LIG1: variants seen among roughly 807,000 people sequenced by gnomAD.
The protein encoded by LIG1 is ligase I, DNA, ATP-dependent.
In LIG1, 70 loss-of-function variants were observed where a neutral mutation model predicts 115.7. The observed-to-expected ratio is 0.60, with a 90% CI of 0.50 to 0.74. The LOEUF is 0.74. Among genes scored for constraint, LIG1 ranks in the 30% least tolerant of loss-of-function variants. The pLI is 0.00. For synonymous variants in LIG1, 487 were observed against 495.3 expected (o/e 0.98, Z 0.22); for missense variants, 1,115 against 1,225.6 (o/e 0.91, Z 1.35).
At chr19:48,150,433 G>C (rs1318958680) in intron 7 of LIG1, among the ~76,000 whole-genome samples, 1 of 152,068 alleles carries the variant, frequency 6.6e-6, no homozygotes, top group Non-Finnish European at 1.5e-5. Context: ...GGAGACTTAG[G>C]AATAGTGGTA....
intron 9 of LIG1, chr19:48,147,398 T>G (rs2122783000): frequency 1.3e-5 from 2 of 151,686 alleles, no homozygotes; most frequent in East Asian, 3.9e-4. Flanking sequence ...GAAATCAGGC[T>G]GGCCGTGGTG....
chr19:48,152,370 G>A (rs181400199), intron 6 of LIG1, among the ~76,000 whole-genome samples: 10 of 152,284 alleles, frequency 6.6e-5, no homozygotes, highest in Middle Eastern at 3.4e-3. Flanking sequence ...TGATCCACCC[G>A]CTTCGGCCTC....
rs1409090907 is a variant in LIG1 at position 48,157,532 on chromosome 19, G to A, written c.244-392C>T. 2.6e-5 allele frequency among the ~76,000 whole-genome samples: 4 copies of A among 151,980 alleles called. No homozygotes were observed. In the South Asian group the frequency reaches 6.2e-4, roughly 24 times the overall value. ...CAGGGGAAATGATGTACACCTCTTCGTATAGTTTTATTTTTATTTATTTAT... is the reference window on the plus strand; with the variant it reads ...CAGGGGAAATGATGTACACCTCTTCATATAGTTTTATTTTTATTTATTTAT... On this transcript the variant is annotated intron_variant, in intron 4 of 27. Coordinates refer to ENST00000263274, the MANE Select transcript of LIG1 (RefSeq NM_000234.3).
intron 9 of LIG1, 45 bp downstream of exon 9, chr19:48,149,718 G>T: frequency 6.7e-7 from 1 of 1,495,090 alleles, no homozygotes; most frequent in Non-Finnish European, 9.3e-7. Context: ...TGCAGAGAAG[G>T]GAACACATCC....
chr19:48,161,131 C>G (rs1366816946), intron 4 of LIG1: 1 of 582,440 alleles, frequency 1.7e-6, no homozygotes, highest in Non-Finnish European at 3.1e-6. Flanking sequence ...AAGGTGTTAC[C>G]AGGAGCTGCA....
chr19:48,137,644 C>T lies in LIG1; in HGVS notation c.1132G>A (p.Asp378Asn), dbSNP rs1043361486. 4 of 1,609,394 alleles carry T rather than the reference C, an allele frequency of 2.5e-6. No individual in the cohort carries two copies. Among genetic ancestry groups the T allele is most frequent in the Non-Finnish European group, 3.4e-6 (4 of 1,179,674 alleles). ...CTGTTCTCGGCCACCAGCCCCACGT[C>T]GCCTTTCTCGGCTGCCTCAGCCCGG... ...SVRAEAAEKGDVGLVAENSRS... is the reference protein window; with the variant it reads ...SVRAEAAEKGNVGLVAENSRS... The change falls in exon 13 of 28, where the codon GAC (aspartate) becomes AAC (asparagine). Residue 378 changes from aspartate to asparagine, a missense_variant. Transcript: ENST00000263274. The surrounding 1 kb of genome is among the most constrained non-coding windows in gnomAD (Gnocchi z 4.3).
At chr19:48,128,070 G>A in intron 19 of LIG1, 50 bp from the exon 20 acceptor site, 1 of 1,424,998 alleles carries the variant, frequency 7.0e-7, no homozygotes, top group Non-Finnish European at 9.9e-7. Context: ...GGAAGATGAG[G>A]TGGAAAGACA....
At chr19:48,162,444 T>C (rs1321335827) in intron 2 of LIG1, 93 bp from the exon 3 acceptor site, 1 of 1,002,322 alleles carries the variant, frequency 1.0e-6, no homozygotes, top group African/African-American at 1.6e-5. Flanking sequence ...TTTTTTTTTT[T>C]TTTTTTTGAG....
chr19:48,125,010 CA>C (rs34073314), intron 21 of LIG1, among the ~76,000 whole-genome samples: 21,159 of 90,434 alleles, frequency 0.23, 2,273 homozygotes, highest in African/African-American at 0.44. Flanking sequence ...GACTGTGTCT[CA>C]AAAAAAAAAA....
chr19:48,136,900 T>C (rs1452222749), intron 14 of LIG1, 108 bp downstream of exon 14: 26 of 914,948 alleles, frequency 2.8e-5, no homozygotes, highest in Non-Finnish European at 4.2e-5. Flanking sequence ...GCTTTTCTCA[T>C]CCAAGGATGG....
chr19:48,121,233 C>T lies in LIG1; in HGVS notation c.2322G>A (p.Arg774=), dbSNP rs35485148. The change falls in exon 24 of 28, where the codon CGG becomes CGA. Residue 774 remains arginine, a synonymous_variant. Transcript: ENST00000263274. ...AGGAGGCCAGCAGGAAGCCCCCGTA[C>T]CGGCCGGCCCGCTTCCCCCGGCCCA... ...AYLGRGKRAG[R]YGGFLLASYD... 1.2e-6 allele frequency: 2 copies of T among 1,613,994 alleles called. No individual in the cohort carries two copies. The highest frequency in any genetic ancestry group is 1.7e-6 in the Non-Finnish European group (2 of 1,179,994).
intron 22 of LIG1, 34 bp downstream of exon 22, chr19:48,123,140 G>A: frequency 6.2e-7 from 1 of 1,613,944 alleles, no homozygotes; most frequent in South Asian, 1.1e-5. Context: ...AGCGCAAGCT[G>A]CAGACCTCAG....
rs184132398 is a variant in LIG1 at position 48,159,780 on chromosome 19, C to T, written c.243+1592G>A. Among the ~76,000 whole-genome samples, 1,483 of 152,232 alleles carry T rather than the reference C, an allele frequency of 9.7e-3. 16 individuals carry two copies. Among genetic ancestry groups the T allele is most frequent in the African/African-American group, 0.029 (1,217 of 41,520 alleles). The stretch of plus-strand genomic sequence containing the variant: ...TCACCCAGGCTGGAGTGCAGTGGCA[C>T]GATCTTGGCTCACTGCAAGCTCCGC... On this transcript the variant is annotated intron_variant, in intron 4 of 27. Transcript: ENST00000263274.
chr19:48,153,678 ACACACACACAC>A (rs2035619732), intron 6 of LIG1, among the ~76,000 whole-genome samples, 183 bp downstream of exon 6: 1 of 142,080 alleles, frequency 7.0e-6, no homozygotes, highest in Admixed American at 7.0e-5. Context: ...ACACACACAC[ACACACACACAC>A]ACCTCTCCTT....
chr19:48,160,532 C>T (rs182265324), intron 4 of LIG1, among the ~76,000 whole-genome samples: 4 of 152,026 alleles, frequency 2.6e-5, no homozygotes, highest in Non-Finnish European at 5.9e-5. Flanking sequence ...GTGGTAATAC[C>T]AGGGGGTTTG....
Position 48,127,268 on chromosome 19 carries a change from G to A in LIG1, c.2004+9C>T. 6.2e-7 allele frequency: 1 copy of A among 1,612,044 alleles called. No homozygotes were observed. ...CTCAGCTGCCCCTGGACAGGAAGCT[G>A]GAACTCACCTCTCCATTGAGGTAGA... On this transcript the variant is annotated intron_variant, in intron 21 of 27. Transcript: ENST00000263274.
intron 9 of LIG1, among the ~76,000 whole-genome samples, chr19:48,145,459 C>T (rs994082823): frequency 6.6e-6 from 1 of 152,138 alleles, no homozygotes; most frequent in Non-Finnish European, 1.5e-5. Flanking sequence ...ACTCCCCAGC[C>T]CCAGGCCTAC....
rs753665588 is a variant in LIG1 at position 48,135,721 on chromosome 19, C to T, written c.1482G>A (p.Thr494=). The T allele has an allele frequency of 3.8e-5, 62 of 1,614,064 alleles. No homozygotes were observed. The highest frequency in any genetic ancestry group is 1.2e-4 in the Admixed American group (7 of 59,998). ...GKGKTAEARK[T]WLEEQGMILK... ...GGATCATGCCTTGCTCCTCCAGCCACGTCTTTCTGGCCTCTGCTGTCTTGC... is the reference window on the plus strand; with the variant it reads ...GGATCATGCCTTGCTCCTCCAGCCATGTCTTTCTGGCCTCTGCTGTCTTGC... The change falls in exon 16 of 28, where the codon ACG becomes ACA. Residue 494 remains threonine (T), a synonymous_variant. Transcript: ENST00000263274.
At chr19:48,132,789 T>TC (rs1467718696) in intron 18 of LIG1, among the ~76,000 whole-genome samples, 193 bp downstream of exon 18, 2 of 34,304 alleles carry the variant, frequency 5.8e-5, no homozygotes, top group African/African-American at 4.0e-4. Context: ...AGACTCTGTC[T>TC]CAAAAAAAAA....
Sources: allele counts gnomAD v4.1 joint callset (sites outside exome capture counted in the v4.1 genomes callset), GRCh38; gene constraint gnomAD v4.1.1; non-coding constraint Gnocchi (gnomAD v3.1); transcripts MANE v1.5; gene names NCBI Gene and HGNC (gene_info 2026-07-23, HGNC 2026-07-21).